SIPA1L3: variants seen among roughly 807,000 people sequenced by gnomAD.
The protein encoded by SIPA1L3 is signal-induced proliferation-associated 1-like protein 3.
Under a neutral mutation model 150.1 loss-of-function variants are expected in SIPA1L3, and 59 were observed. The observed-to-expected ratio is 0.39, with a 90% CI of 0.32 to 0.49. The LOEUF (loss-of-function observed/expected upper bound fraction) is 0.49. Among genes scored for constraint, SIPA1L3 ranks in the 20% least tolerant of loss-of-function variants. The pLI, the probability that SIPA1L3 is intolerant of heterozygous loss-of-function variation, is 0.86. For synonymous variants in SIPA1L3, 1,070 were observed against 1,077.6 expected (o/e 0.99, Z 0.14); for missense variants, 2,211 against 2,489.5 (o/e 0.89, Z 2.38).
chr19:37,973,073 G>C (rs144209342), intron 1 of SIPA1L3, among the ~76,000 whole-genome samples: 2 of 151,752 alleles, frequency 1.3e-5, no homozygotes, highest in African/African-American at 4.8e-5. Context: ...TAAAGGAAAG[G>C]GGGGAGGATA....
At chr19:38,137,389 ATGT>A (rs1167542367) in intron 10 of SIPA1L3, among the ~76,000 whole-genome samples, 2 of 151,980 alleles carry the variant, frequency 1.3e-5, no homozygotes, top group Non-Finnish European at 2.9e-5. Flanking sequence ...GGGTTTCACC[ATGT>A]TGGCCAAGCT....
chr19:38,079,655 G>T (rs772804817), intron 2 of SIPA1L3, among the ~76,000 whole-genome samples: 1 of 151,312 alleles, frequency 6.6e-6, no homozygotes. Flanking sequence ...TCCCGGGTTC[G>T]AGTGATCCTT....
intron 12 of SIPA1L3, among the ~76,000 whole-genome samples, chr19:38,146,907 T>C (rs1216533611): frequency 6.6e-6 from 1 of 152,058 alleles, no homozygotes; most frequent in African/African-American, 2.4e-5. Context: ...TCTAATTGGG[T>C]GTGATGGTGT....
At chr19:38,079,637 T>A (rs1215981101) in intron 2 of SIPA1L3, among the ~76,000 whole-genome samples, 1 of 150,802 alleles carries the variant, frequency 6.6e-6, no homozygotes, top group Admixed American at 6.6e-5. Context: ...GCTCATGCAA[T>A]CTCAACCTCC....
At chr19:38,175,353 A>G (rs1972414843) in intron 15 of SIPA1L3, among the ~76,000 whole-genome samples, 1 of 152,066 alleles carries the variant, frequency 6.6e-6, no homozygotes, top group African/African-American at 2.4e-5. Context: ...AGGACCACCC[A>G]TTGGTCCCCT....
rs552696188 is a variant in SIPA1L3 at position 38,020,389 on chromosome 19, T to C, written c.-378-8700T>C. On this transcript the variant is annotated intron_variant, in intron 1 of 21. Transcript: ENST00000222345. ...TGACCTATTTTGGTAGATTGACCAC[T>C]GTTCTGTCTTCCATCTGATTAGCTG... is the stretch of plus-strand genomic sequence containing the variant. Among the ~76,000 whole-genome samples the C allele has an allele frequency of 1.3e-3, 203 of 152,304 alleles. 1 individual carries two copies. The highest frequency in any genetic ancestry group is 3.5e-4 in the Non-Finnish European group (24 of 68,026).
intron 1 of SIPA1L3, among the ~76,000 whole-genome samples, chr19:37,963,040 G>A (rs894062635): frequency 3.9e-5 from 6 of 152,196 alleles, no homozygotes; most frequent in Non-Finnish European, 5.9e-5. Context: ...GCATGGTTTA[G>A]TGGTCAGATT....
intron 16 of SIPA1L3, 37 bp from the exon 17 acceptor site, chr19:38,192,108 C>A (rs1362304704): frequency 5.8e-6 from 9 of 1,550,844 alleles, no homozygotes; most frequent in Non-Finnish European, 3.5e-6. Flanking sequence ...GCTTGAGCCT[C>A]CCTGACACCC....
At chr19:38,141,057 CAAAAAAAAAAA>C (rs551813100) in intron 10 of SIPA1L3, 116 bp from the exon 11 acceptor site, 129 of 396,404 alleles carry the variant, frequency 3.3e-4, no homozygotes, top group Non-Finnish European at 4.4e-4. Flanking sequence ...GACTCTGTCT[CAAAAAAAAAAA>C]AAAAAAAAAA....
In SIPA1L3 at chr19:38,198,492, C is replaced by A. The variant is rs772238338; in HGVS notation, c.4944C>A (p.Leu1648=). ...CCCTGCCTGACACAGCTGCTGGCCT[C>A]GAGTGGTCCAGCCTGGTGAACGCAG... is the stretch of plus-strand genomic sequence containing the variant. ...LMPLPDTAAG[L]EWSSLVNAAK... is the part of the protein sequence containing the mutation. Residue 1648 remains leucine, a synonymous_variant, in exon 19 of 22, where the codon CTC becomes CTA. Transcript: ENST00000222345. 1 of 1,601,630 alleles carries A rather than the reference C, an allele frequency of 6.2e-7. No homozygotes were observed. Among genetic ancestry groups the A allele is most frequent in the Non-Finnish European group, 8.5e-7 (1 of 1,174,964 alleles).
chr19:38,108,257 G>A (rs1970665526), intron 7 of SIPA1L3, among the ~76,000 whole-genome samples: 1 of 152,180 alleles, frequency 6.6e-6, no homozygotes, highest in Admixed American at 6.5e-5. Flanking sequence ...TGTGGGAGGG[G>A]CGCTGGGGAA....
rs753719610 is a variant in SIPA1L3 at position 38,182,707 on chromosome 19, C to T, written c.4397C>T (p.Pro1466Leu). 8 of 1,613,834 alleles carry T rather than the reference C, an allele frequency of 5.0e-6. No homozygotes were observed. Among genetic ancestry groups the T allele is most frequent in the Non-Finnish European group, 6.8e-6 (8 of 1,179,866 alleles). Reference sequence around the variant, plus strand: ...GGGTGGAAGAGAACGGAGGAGCCCCCACCACGGCCACTCCCCTTCAGTGAC... The same window carrying T: ...GGGTGGAAGAGAACGGAGGAGCCCCTACCACGGCCACTCCCCTTCAGTGAC... ...PTGWKRTEEP[P>L]PRPLPFSDPK... Residue 1466 changes from proline (P) to leucine (L), a missense_variant, in exon 16 of 22, where the codon CCA (proline) becomes CTA (leucine). Physicochemically the swap from Pro to Leu is moderately conservative, Grantham distance 98 (BLOSUM62 -3). Transcript: ENST00000222345.
intron 1 of SIPA1L3, among the ~76,000 whole-genome samples, chr19:37,921,405 G>T (rs113099552): frequency 1.3e-5 from 2 of 152,148 alleles, no homozygotes; most frequent in Non-Finnish European, 2.9e-5. Context: ...ATGGGAACAG[G>T]AGTGCTGGTT....
chr19:38,009,709 G>A (rs566321005), intron 1 of SIPA1L3, among the ~76,000 whole-genome samples: 2 of 152,192 alleles, frequency 1.3e-5, no homozygotes, highest in Admixed American at 6.5e-5. Context: ...ATGCTAAGCC[G>A]CAGACCTGTG....
intron 1 of SIPA1L3, among the ~76,000 whole-genome samples, chr19:38,011,036 A>AT (rs1223137742): frequency 2.6e-5 from 4 of 152,056 alleles, no homozygotes; most frequent in African/African-American, 9.7e-5. Context: ...GATATATCTT[A>AT]TTTTTTCTTA....
intron 8 of SIPA1L3, among the ~76,000 whole-genome samples, chr19:38,111,846 T>A (rs1970753939): frequency 6.6e-6 from 1 of 152,172 alleles, no homozygotes; most frequent in East Asian, 1.9e-4. Context: ...GACCCTTGGA[T>A]GAGATGGGAG....
chr19:38,190,952 C>T (rs749306566), intron 16 of SIPA1L3, among the ~76,000 whole-genome samples: 1 of 152,166 alleles, frequency 6.6e-6, no homozygotes, highest in South Asian at 2.1e-4. Context: ...TTGGCAGTGG[C>T]GTGGGTAGGC....
chr19:38,140,150 C>T (rs947583324), intron 10 of SIPA1L3, among the ~76,000 whole-genome samples: 2 of 152,216 alleles, frequency 1.3e-5, no homozygotes, highest in South Asian at 2.1e-4. Flanking sequence ...AGGATCAGCT[C>T]GATGGGGGTA....
intron 2 of SIPA1L3, among the ~76,000 whole-genome samples, chr19:38,039,555 G>A (rs569428194): frequency 6.6e-6 from 1 of 151,934 alleles, no homozygotes; most frequent in East Asian, 1.9e-4. Flanking sequence ...TTAGCCTGAC[G>A]TGGTGGCACG....
Sources: allele counts gnomAD v4.1 joint callset (sites outside exome capture counted in the v4.1 genomes callset), GRCh38; gene constraint gnomAD v4.1.1; transcripts MANE v1.5; gene names NCBI Gene and HGNC (gene_info 2026-07-23, HGNC 2026-07-21).